Variants in DHRSX observed in about 807,000 individuals in gnomAD.
DHRSX encodes polyprenol dehydrogenase.
A neutral mutation model predicts 34.0 loss-of-function variants in DHRSX; 31 were observed. The observed-to-expected ratio is 0.91, with a 90% CI of 0.69 to 1.23. DHRSX has a LOEUF of 1.23. Ranked by LOEUF, DHRSX falls within the 50% of genes most tolerant of loss-of-function variation. The pLI is 0.00. For missense variants in DHRSX, 414 were observed against 428.1 expected (o/e 0.97, Z 0.29); for synonymous variants, 201 against 183.8 (o/e 1.09, Z -0.76).
At chrX:2,276,259 C>G (rs2041643548) in intron 4 of DHRSX, among the ~76,000 whole-genome samples, 1 of 152,170 alleles carries the variant, frequency 6.6e-6, no homozygotes, top group Non-Finnish European at 1.5e-5. Flanking sequence ...AGCAAATATA[C>G]TGATGTTTCA....
chrX:2,340,740 T>C (rs1197375772), intron 3 of DHRSX, among the ~76,000 whole-genome samples: 17 of 152,092 alleles, frequency 1.1e-4, no homozygotes, highest in Admixed American at 1.1e-3. Flanking sequence ...ATGGTTCGTG[T>C]CTACTAGGCT....
chrX:2,489,153 C>A (rs1261457795), intron 1 of DHRSX: 1 of 1,613,494 alleles, frequency 6.2e-7, no homozygotes, highest in Admixed American at 1.7e-5. Context: ...TCCTCGGGCA[C>A]CGGGAAGATC....
At chrX:2,418,921 ACCC>A (rs11296729) in intron 2 of DHRSX, among the ~76,000 whole-genome samples, 1 of 151,648 alleles carries the variant, frequency 6.6e-6, no homozygotes, top group East Asian at 1.9e-4. Context: ...AAATCTCAGA[ACCC>A]CCCCTGCCCT....
intron 1 of DHRSX, among the ~76,000 whole-genome samples, chrX:2,428,906 T>C (rs1453320462): frequency 6.6e-6 from 1 of 151,916 alleles, no homozygotes; most frequent in Non-Finnish European, 1.5e-5. Context: ...TATCAGGAGG[T>C]GGGGCCTGTG....
chrX:2,426,419 A>ATTCC (rs1221173742), intron 1 of DHRSX, among the ~76,000 whole-genome samples: 4 of 94,826 alleles, frequency 4.2e-5, no homozygotes, highest in Non-Finnish European at 8.4e-5. Flanking sequence ...TTCTTCCTTC[A>ATTCC]TTCCTTCCTT....
chrX:2,361,059 T>C (rs2124587462), intron 3 of DHRSX, among the ~76,000 whole-genome samples: 1 of 152,214 alleles, frequency 6.6e-6, no homozygotes, highest in East Asian at 1.9e-4. Context: ...AGCGTTGGCT[T>C]TGGTTAGAGA....
chrX:2,247,603 G>A (rs1300943230), intron 5 of DHRSX, among the ~76,000 whole-genome samples: 8 of 144,574 alleles, frequency 5.5e-5, no homozygotes, highest in East Asian at 2.0e-4. Flanking sequence ...GCAGTGAGCC[G>A]AGATTGCGCC....
At position 2,413,058 on chromosome X, in the gene DHRSX, G is replaced by A. The variant is rs186896311; in HGVS notation, c.218-4245C>T. Reference sequence around the variant, plus strand: ...AAAAATACAAAAATTAGCCGGGTACGGTGGCATGCACCTGTAGTCCCAGCT... The same window carrying A: ...AAAAATACAAAAATTAGCCGGGTACAGTGGCATGCACCTGTAGTCCCAGCT... On this transcript the variant is annotated intron_variant, in intron 2 of 6. Transcript: ENST00000334651. Among the ~76,000 whole-genome samples, 671 of 152,186 alleles carry A rather than the reference G, an allele frequency of 4.4e-3. 3 individuals are homozygous for A. The highest frequency in any genetic ancestry group is 0.015 in the African/African-American group (634 of 41,554).
At chrX:2,297,130 A>C (rs1268849921) in intron 3 of DHRSX, among the ~76,000 whole-genome samples, 2 of 152,102 alleles carry the variant, frequency 1.3e-5, no homozygotes, top group Non-Finnish European at 2.9e-5. Context: ...AAAATTATTT[A>C]TGCATTTATT....
chrX:2,346,826 T>G lies in DHRSX; in HGVS notation c.287-55223A>C, dbSNP rs375517097. Among the ~76,000 whole-genome samples, 403 of 151,692 alleles carry G rather than the reference T, an allele frequency of 2.7e-3. 6 individuals are homozygous for G. The highest frequency in any genetic ancestry group is 8.6e-3 in the African/African-American group (357 of 41,362). On this transcript the variant is annotated intron_variant, in intron 3 of 6. Coordinates refer to ENST00000334651, the MANE Select transcript of DHRSX (RefSeq NM_145177.3). ...TCCCCTACTCCCCGACAGGCCCCAG[T>G]GTGTGATGTTCCCCTCCCTGTGTCC...
At chrX:2,243,295 G>C in intron 5 of DHRSX, 65 bp from the exon 6 acceptor site, 2 of 1,456,802 alleles carry the variant, frequency 1.4e-6, no homozygotes, top group Admixed American at 3.6e-5. Flanking sequence ...CTTCATCCCA[G>C]CAGCATCTGT....
At chrX:2,223,296 T>A (rs973638088) in intron 6 of DHRSX, among the ~76,000 whole-genome samples, 2 of 152,156 alleles carry the variant, frequency 1.3e-5, no homozygotes, top group African/African-American at 4.8e-5. Flanking sequence ...CTGCACACAC[T>A]CTCTTGCCTG....
intron 1 of DHRSX, among the ~76,000 whole-genome samples, chrX:2,445,545 G>T (rs1425142036): frequency 6.6e-6 from 1 of 152,140 alleles, no homozygotes; most frequent in Non-Finnish European, 1.5e-5. Context: ...ACCCCCAAGG[G>T]ACCGCTGCCG....
intron 3 of DHRSX, among the ~76,000 whole-genome samples, chrX:2,295,159 A>G (rs1303477005): frequency 3.3e-5 from 5 of 152,184 alleles, no homozygotes; most frequent in African/African-American, 1.2e-4. Context: ...CAATAGCAAA[A>G]ACTTGAAACC....
At chrX:2,266,014 A>G (rs1428044372) in intron 5 of DHRSX, among the ~76,000 whole-genome samples, 813 of 45,360 alleles carry the variant, frequency 0.018, no homozygotes, top group Middle Eastern at 0.062. Flanking sequence ...CAGACGCAGG[A>G]AGCACTGTTC....
At chrX:2,388,987 G>A (rs1014955171) in intron 3 of DHRSX, among the ~76,000 whole-genome samples, 21 of 152,320 alleles carry the variant, frequency 1.4e-4, no homozygotes, top group South Asian at 1.0e-3. Flanking sequence ...CAAGCCTACC[G>A]ACACGGTGAC....
At chrX:2,297,012 C>A (rs1368471441) in intron 3 of DHRSX, among the ~76,000 whole-genome samples, 1 of 145,248 alleles carries the variant, frequency 6.9e-6, no homozygotes, top group Non-Finnish European at 1.5e-5. Flanking sequence ...GAATAGGACC[C>A]AGGCAGATAG....
At chrX:2,342,398 G>A (rs184322241) in intron 3 of DHRSX, among the ~76,000 whole-genome samples, 553 of 152,050 alleles carry the variant, frequency 3.6e-3, no homozygotes, top group Middle Eastern at 0.014. Flanking sequence ...GATACCTCAC[G>A]GATTGTCCCG....
intron 3 of DHRSX, among the ~76,000 whole-genome samples, chrX:2,319,542 CAAAAAAAAA>C (rs776261461): frequency 9.3e-6 from 1 of 107,364 alleles, no homozygotes; most frequent in Non-Finnish European, 1.8e-5. Context: ...GACTCCATCT[CAAAAAAAAA>C]AAAAAAAAAG....
Sources: allele counts gnomAD v4.1 joint callset (sites outside exome capture counted in the v4.1 genomes callset), GRCh38; gene constraint gnomAD v4.1.1; transcripts MANE v1.5; gene names NCBI Gene and HGNC (gene_info 2026-07-23, HGNC 2026-07-21).